The following HDAC9 variants were observed in gnomAD, a reference collection of about 807,000 sequenced individuals.
The protein encoded by HDAC9 is MEF-2 interacting transcription repressor (MITR) protein.
A neutral mutation model predicts 139.4 loss-of-function variants in HDAC9; 41 were observed. That is an observed-to-expected ratio of 0.29 (90% confidence interval 0.23 to 0.38). The LOEUF (loss-of-function observed/expected upper bound fraction) is 0.38, where lower values mean the gene tolerates loss of function less well. Ranked by LOEUF, HDAC9 falls within the 10% of genes least tolerant of loss-of-function variation. HDAC9 has a pLI of 1.00. For missense variants in HDAC9, 1,147 were observed against 1,297.0 expected, an observed-to-expected ratio of 0.88 and a Z score of 1.78; for synonymous variants, 517 against 476.2, an observed-to-expected ratio of 1.09 and a Z score of -1.12.
intron 2 of HDAC9, among the ~76,000 whole-genome samples, chr7:18,263,639 T>C (rs547316552): frequency 2.6e-5 from 4 of 151,568 alleles, no homozygotes; most frequent in Non-Finnish European, 5.9e-5. Flanking sequence ...GACCGAGTCT[T>C]GCTCTGTCAC....
intron 1 of HDAC9, among the ~76,000 whole-genome samples, chr7:18,101,461 G>T (rs1399139656): frequency 6.6e-6 from 1 of 152,114 alleles, no homozygotes; most frequent in African/African-American, 2.4e-5. Context: ...CTTAGGCAGG[G>T]GGATAATTCC....
At chr7:18,601,741 T>A (rs1834008456) in intron 6 of HDAC9, among the ~76,000 whole-genome samples, 1 of 152,228 alleles carries the variant, frequency 6.6e-6, no homozygotes, top group South Asian at 2.1e-4. Context: ...TACGATTTTT[T>A]AAAAAGCCAT....
intron 16 of HDAC9, among the ~76,000 whole-genome samples, chr7:18,781,090 C>G (rs937845506): frequency 6.6e-6 from 1 of 152,020 alleles, no homozygotes; most frequent in African/African-American, 2.4e-5. Context: ...TGTGGCCTCA[C>G]AAGCTTTTCT....
chr7:18,988,145 T>C (rs1461971784), intron 25 of HDAC9, among the ~76,000 whole-genome samples: 1 of 152,188 alleles, frequency 6.6e-6, no homozygotes, highest in Non-Finnish European at 1.5e-5. Flanking sequence ...GTTCTTTTAA[T>C]TGTGATGTTA....
intron 21 of HDAC9, among the ~76,000 whole-genome samples, chr7:18,864,779 C>A (rs778195644): frequency 3.9e-5 from 6 of 151,986 alleles, no homozygotes; most frequent in Non-Finnish European, 5.9e-5. Context: ...TACTGTTTCA[C>A]GGTTACAGAG....
At chr7:18,990,045 C>T (rs1334275328) in intron 25 of HDAC9, among the ~76,000 whole-genome samples, 1 of 152,166 alleles carries the variant, frequency 6.6e-6, no homozygotes, top group Admixed American at 6.5e-5. Context: ...AAGCCTTCTT[C>T]TCTCAGCTCA....
At chr7:18,812,821 G>A (rs1401042372) in intron 17 of HDAC9, among the ~76,000 whole-genome samples, 1 of 151,862 alleles carries the variant, frequency 6.6e-6, no homozygotes, top group Non-Finnish European at 1.5e-5. Context: ...TGGACATTGA[G>A]GACTCTGTTC....
chr7:18,616,746 T>A (rs1313757638), intron 6 of HDAC9, among the ~76,000 whole-genome samples: 1 of 151,992 alleles, frequency 6.6e-6, no homozygotes, highest in Non-Finnish European at 1.5e-5. Context: ...GGAAGCAAAG[T>A]GGTATTTGAA....
chr7:18,430,985 C>T (rs1056229481), intron 1 of HDAC9, among the ~76,000 whole-genome samples: 6 of 151,744 alleles, frequency 4.0e-5, no homozygotes, highest in African/African-American at 1.2e-4. Context: ...CTAGCCTACA[C>T]TTGCCATGCC....
At chr7:18,201,106 C>T (rs1229034634) in intron 2 of HDAC9, among the ~76,000 whole-genome samples, 3 of 152,146 alleles carry the variant, frequency 2.0e-5, no homozygotes, top group Non-Finnish European at 4.4e-5. Context: ...GGATGGAACT[C>T]GTGTCCGCCT....
At chr7:18,799,729 G>A (rs1042433494) in intron 17 of HDAC9, among the ~76,000 whole-genome samples, 33 of 152,076 alleles carry the variant, frequency 2.2e-4, no homozygotes, top group Non-Finnish European at 1.5e-5. Flanking sequence ...TGAAGACCAG[G>A]AAGAAAAGAG....
intron 2 of HDAC9, among the ~76,000 whole-genome samples, chr7:18,171,565 T>A (rs1788447323): frequency 6.6e-6 from 1 of 152,224 alleles, no homozygotes; most frequent in Non-Finnish European, 1.5e-5. Flanking sequence ...CCATTCAGTA[T>A]GATATTGGCT....
At chr7:18,990,269 C>A (rs1401775429) in intron 25 of HDAC9, among the ~76,000 whole-genome samples, 1 of 152,152 alleles carries the variant, frequency 6.6e-6, no homozygotes, top group Non-Finnish European at 1.5e-5. Context: ...GACAGACAGA[C>A]AGGACCCTCA....
chr7:18,163,982 T>A (rs749086119), intron 2 of HDAC9, among the ~76,000 whole-genome samples: 6 of 152,212 alleles, frequency 3.9e-5, no homozygotes, highest in African/African-American at 9.6e-5. Context: ...GTTGTGATAA[T>A]TGTTCAGTTA....
At chr7:18,247,989 T>C (rs1284576837) in intron 2 of HDAC9, among the ~76,000 whole-genome samples, 2 of 152,260 alleles carry the variant, frequency 1.3e-5, no homozygotes, top group East Asian at 3.9e-4. Flanking sequence ...TTTGAAGTCA[T>C]GGGGAGAATA....
chr7:18,998,115 T>G lies in HDAC9; in HGVS notation c.*2053T>G, dbSNP rs1425370332. Reference sequence around the variant, plus strand: ...TAGAGCCAAAGGCTTAACAAAAGACTCTCCCCCATTTTAAAAAGGAAACTC... The same window carrying G: ...TAGAGCCAAAGGCTTAACAAAAGACGCTCCCCCATTTTAAAAAGGAAACTC... On this transcript the variant is annotated 3_prime_UTR_variant, in exon 26 of 26. Coordinates refer to ENST00000686413, the MANE Select transcript of HDAC9 (RefSeq NM_178425.4). The G allele has an allele frequency of 6.6e-6, 1 of 152,108 alleles. No homozygotes were observed. Among genetic ancestry groups the G allele is most frequent in the African/African-American group, 2.4e-5 (1 of 41,424 alleles). 9.4% of individuals were successfully genotyped at this position (152,108 alleles called of 1,614,324 possible). A position where few individuals can be genotyped will look rare whatever the true frequency, so the allele number is the denominator to read the frequency against.
chr7:18,870,223 T>G (rs1435410055), intron 21 of HDAC9, among the ~76,000 whole-genome samples: 2 of 152,156 alleles, frequency 1.3e-5, no homozygotes, highest in African/African-American at 4.8e-5. Context: ...TCCACTGATG[T>G]CCTGTTTCTG....
chr7:18,678,904 C>A (rs948346454), intron 12 of HDAC9, among the ~76,000 whole-genome samples: 17 of 151,838 alleles, frequency 1.1e-4, no homozygotes, highest in African/African-American at 3.1e-4. Flanking sequence ...TTTGTTTGTG[C>A]AAGTCTATCA....
rs74407144 is a variant in HDAC9, at chr7:18,449,590, C to T, written c.-41-46672C>T. 3.9e-5 allele frequency among the ~76,000 whole-genome samples: 6 copies of T among 152,044 alleles called. No homozygotes were observed. The East Asian group carries it at 7.7e-4, about 20-fold the overall frequency. ...CTAAGATATACACCTATGGTTTGCC[C>T]GCTTTTCAGGATGTATGTAGCACTG... On this transcript the variant is annotated intron_variant, in intron 1 of 3. Coordinates refer to the HDAC9 transcript ENST00000413509.
Sources: gnomAD v4.1 joint callset for allele counts (sites outside exome capture counted in the v4.1 genomes callset) on GRCh38, gnomAD v4.1.1 for gene constraint, MANE v1.5 for transcripts, NCBI Gene and HGNC (gene_info 2026-07-23, HGNC 2026-07-21) for gene names.